The following CT45A1 variants were observed in gnomAD, a reference collection of about 807,000 sequenced individuals.
CT45A1 encodes cancer/testis antigen family 45 member A1, also known as cancer/testis antigen 45-1.
At chrX:135,717,732 TC>T (rs1222367845) in intron 1 of CT45A1, among the ~76,000 whole-genome samples, 1 of 111,912 alleles carries the variant, frequency 8.9e-6, no homozygotes, top group Non-Finnish European at 1.9e-5. Flanking sequence ...AATCTCATAT[TC>T]TAATTATTTG....
At chrX:135,708,782 G>A (rs782274502), upstream of CT45A1, among the ~76,000 whole-genome samples, 5 of 111,533 alleles carry the variant, frequency 4.5e-5, no homozygotes, top group South Asian at 1.9e-3. Flanking sequence ...TCAGTTAGAA[G>A]GTCCCTGATT....
At chrX:135,710,690 A>G (rs782423726), upstream of CT45A1, among the ~76,000 whole-genome samples, 1 of 112,531 alleles carries the variant, frequency 8.9e-6, no homozygotes, top group Non-Finnish European at 1.9e-5. Flanking sequence ...AGATTGTGAC[A>G]CAAGTGTTGG....
intron 1 of CT45A1, among the ~76,000 whole-genome samples, chrX:135,717,521 C>A (rs1246313322): frequency 9.2e-6 from 1 of 108,369 alleles, no homozygotes; most frequent in Non-Finnish European, 1.9e-5. Flanking sequence ...TCTACTCCAG[C>A]CTGGGCGACA....
At chrX:135,716,008 A>G (rs782520945) in intron 1 of CT45A1, among the ~76,000 whole-genome samples, 2 of 110,471 alleles carry the variant, frequency 1.8e-5, no homozygotes, top group Non-Finnish European at 3.8e-5. Flanking sequence ...AACGACATGA[A>G]CTCATTCTTT....
chrX:135,717,142 G>T (rs2087993813), intron 1 of CT45A1, among the ~76,000 whole-genome samples: 1 of 111,894 alleles, frequency 8.9e-6, no homozygotes, highest in Admixed American at 9.5e-5. Context: ...CTTAAAAAAT[G>T]ATCTGCTTGT....
intron 1 of CT45A1, among the ~76,000 whole-genome samples, chrX:135,716,156 T>C (rs2148034465): frequency 8.9e-6 from 1 of 111,746 alleles, no homozygotes; most frequent in East Asian, 2.8e-4. Context: ...TGCATGTGTC[T>C]TTATAGAAGA....
intron 1 of CT45A1, among the ~76,000 whole-genome samples, chrX:135,714,151 G>C (rs1318014817): frequency 3.7e-5 from 4 of 109,314 alleles, no homozygotes; most frequent in African/African-American, 1.3e-4. Flanking sequence ...CATGATCGCC[G>C]CCCTGTGGGA....
upstream of CT45A1, among the ~76,000 whole-genome samples, chrX:135,710,861 T>C (rs782250750): frequency 3.5e-5 from 4 of 112,692 alleles, no homozygotes; most frequent in Admixed American, 1.9e-4. Flanking sequence ...TTGTTTTTTT[T>C]TCTCAGACGT....
chrX:135,715,722 T>C (rs1411283899), intron 1 of CT45A1, among the ~76,000 whole-genome samples: 2 of 103,277 alleles, frequency 1.9e-5, no homozygotes, highest in Admixed American at 2.3e-4. Context: ...ATATATAAAA[T>C]ACTTTAAGTT....
rs1312130054 is a variant in CT45A1, at chrX:135,715,333, TTA to T, written c.-7+1654_-7+1655del. Among the ~76,000 whole-genome samples, 321 of 58,862 alleles carry T rather than the reference TTA, an allele frequency of 5.5e-3. 4 individuals carry two copies. The highest frequency in any genetic ancestry group is 8.6e-3 in the African/African-American group (141 of 16,347). 51.1% of individuals were successfully genotyped at this position (58,862 alleles called of 115,157 possible). On this transcript the variant is annotated intron_variant, in intron 1 of 4. Transcript: ENST00000594565. ...AATACTTATATATAATACTTATATA[TTA>T]TATATATATAATACTTACATATAAT...
At chrX:135,715,419 TTA>T (rs1369124488) in intron 1 of CT45A1, among the ~76,000 whole-genome samples, 3 of 70,951 alleles carry the variant, frequency 4.2e-5, no homozygotes, top group African/African-American at 5.3e-5. Context: ...TATATAATAC[TTA>T]TATATATAAT....
At chrX:135,709,950 T>A (rs1256316241), upstream of CT45A1, 6 of 112,500 alleles carry the variant, frequency 5.3e-5, no homozygotes, top group Admixed American at 2.8e-4. Flanking sequence ...TTACTACACT[T>A]TGACACCTTT....
upstream of CT45A1, among the ~76,000 whole-genome samples, chrX:135,712,632 A>T (rs1448309294): frequency 5.5e-5 from 6 of 110,077 alleles, no homozygotes; most frequent in Non-Finnish European, 1.1e-4. Context: ...AGTTCAAGTG[A>T]TTCTCCTGCC....
At chrX:135,712,851 C>T (rs781809054), upstream of CT45A1, among the ~76,000 whole-genome samples, 1 of 110,455 alleles carries the variant, frequency 9.1e-6, no homozygotes, top group Admixed American at 9.6e-5. Flanking sequence ...AAAACACAAC[C>T]CCATCCAATG....
At chrX:135,713,915 G>T (rs782284935) in intron 1 of CT45A1, among the ~76,000 whole-genome samples, 2 of 106,922 alleles carry the variant, frequency 1.9e-5, no homozygotes, top group South Asian at 9.2e-4. Flanking sequence ...CAGCCATGTT[G>T]TGAGGCCGGG....
chrX:135,708,491 G>A, the CT45A1 span, among the ~76,000 whole-genome samples: 1 of 110,436 alleles, frequency 9.1e-6, no homozygotes, highest in East Asian at 2.9e-4. Flanking sequence ...TGTGTGGTAC[G>A]GCTCCCTGGG....
chrX:135,710,543 G>C (rs781905803), upstream of CT45A1, among the ~76,000 whole-genome samples: 5 of 111,740 alleles, frequency 4.5e-5, no homozygotes, highest in Middle Eastern at 4.6e-3. Flanking sequence ...TAAATTGGGG[G>C]CTTAGTGTTG....
At chrX:135,709,868 T>C (rs782773931), upstream of CT45A1, among the ~76,000 whole-genome samples, 181 of 111,949 alleles carry the variant, frequency 1.6e-3, 1 homozygote, top group African/African-American at 5.6e-3. Context: ...ACCCTTCTGG[T>C]ATTTATAATT....
At chrX:135,709,385 C>G (rs2087923096), upstream of CT45A1, among the ~76,000 whole-genome samples, 1 of 112,327 alleles carries the variant, frequency 8.9e-6, no homozygotes, top group Non-Finnish European at 1.9e-5. Flanking sequence ...ACCTCAGACT[C>G]CCAAAGTGCT....
Sources: gnomAD v4.1 joint callset for allele counts (sites outside exome capture counted in the v4.1 genomes callset) on GRCh38, gnomAD v4.1.1 for gene constraint, MANE v1.5 for transcripts, NCBI Gene and HGNC (gene_info 2026-07-23, HGNC 2026-07-21) for gene names.